ABCA4: variants seen among roughly 807,000 people sequenced by gnomAD.
ABCA4 encodes the protein retinal-specific phospholipid-transporting ATPase ABCA4.
In ABCA4, 196 loss-of-function variants were observed where a neutral mutation model predicts 263.7. The ratio of observed to expected loss-of-function variants is 0.74; its 90% CI spans 0.66 to 0.84. The LOEUF (loss-of-function observed/expected upper bound fraction) is 0.84, where lower values mean the gene tolerates loss of function less well. Ranked by LOEUF, ABCA4 falls within the 40% of genes least tolerant of loss-of-function variation. The pLI is 0.00. For missense variants in ABCA4, 2,792 were observed against 2,855.1 expected (o/e 0.98, Z 0.50); for synonymous variants, 1,133 against 1,094.2 (o/e 1.04, Z -0.70).
Position 94,029,526 on chromosome 1 carries a change from T to A in ABCA4, c.4458A>T (p.Pro1486=), listed in dbSNP as rs754181190. The change falls in exon 30 of 50, where the codon CCA becomes CCT. Residue 1486 remains proline (P), a synonymous_variant. Transcript: ENST00000370225. ...KQKWTQVNPS[P]SCRCSTREKL... is the part of the protein sequence containing the mutation. ...TCTCCCTGGTGCTGCACCTGCAGGA[T>A]GGTGAAGGGTTGACCTGTGTCCATT... 1.2e-6 allele frequency: 2 copies of A among 1,610,708 alleles called. No individual in the cohort carries two copies. Among genetic ancestry groups the A allele is most frequent in the Non-Finnish European group, 1.7e-6 (2 of 1,178,342 alleles).
chr1:94,049,035 A>G, intron 17 of ABCA4, 78 bp from the exon 18 acceptor site: 1 of 1,434,424 alleles, frequency 7.0e-7, no homozygotes. Flanking sequence ...GGGGAGAGGT[A>G]CAGGGAGCAA....
At chr1:94,120,077 A>C (rs1206000505) in intron 1 of ABCA4, among the ~76,000 whole-genome samples, 1 of 152,150 alleles carries the variant, frequency 6.6e-6, no homozygotes, top group African/African-American at 2.4e-5. Context: ...CTTTCTTTAC[A>C]GTTCTATAGT....
At chr1:94,019,019 G>GTTTTTTTTT (rs757258025) in intron 36 of ABCA4, among the ~76,000 whole-genome samples, 5 of 76,430 alleles carry the variant, frequency 6.5e-5, no homozygotes, top group African/African-American at 3.1e-4. Context: ...AAACAACCAG[G>GTTTTTTTTT]TTTTTTTTTT....
intron 43 of ABCA4, 26 bp from the exon 44 acceptor site, chr1:94,005,608 G>C (rs752444974): frequency 1.2e-6 from 2 of 1,611,598 alleles, no homozygotes; most frequent in Non-Finnish European, 1.7e-6. Flanking sequence ...CAATTACTGA[G>C]TATCCTTCAA....
In ABCA4 at chr1:94,021,692, G is replaced by A; in HGVS notation, c.4796C>T (p.Ser1599Phe). The A allele has an allele frequency of 6.2e-7, 1 of 1,613,450 alleles. No individual in the cohort carries two copies. Among genetic ancestry groups the A allele is most frequent in the South Asian group, 1.1e-5 (1 of 90,986 alleles). ...VSGGPITREA[S>F]KEIPDFLKHL... ...TTTAAGGAAATCAGGTATTTCTTTA[G>A]AGGCCTCTCTAGTGATAGGGCCCTA... The change falls in exon 34 of 50, where the codon TCT becomes TTT. Residue 1599 changes from serine (S) to phenylalanine (F), a missense_variant. Coordinates refer to ENST00000370225, the MANE Select transcript of ABCA4 (RefSeq NM_000350.3).
intron 44 of ABCA4, among the ~76,000 whole-genome samples, chr1:94,002,309 G>A (rs1401194094): frequency 6.6e-6 from 1 of 152,254 alleles, no homozygotes. Flanking sequence ...ATGGCTAGCA[G>A]TGGAGGAGGA....
chr1:94,116,955 CCTTTCTTTCTTTCTCTTT>C (rs1237536066), intron 1 of ABCA4, among the ~76,000 whole-genome samples: 1,511 of 134,876 alleles, frequency 0.011, 19 homozygotes, highest in South Asian at 0.033. Flanking sequence ...CTCCCTCCCT[CCTTTCTTTCTTTCTCTTT>C]CTTTCTTTCT....
intron 14 of ABCA4, among the ~76,000 whole-genome samples, chr1:94,058,809 C>T (rs1395875816): frequency 6.6e-6 from 1 of 152,260 alleles, no homozygotes; most frequent in East Asian, 1.9e-4. Flanking sequence ...GTGGCTTCCT[C>T]AGATGGCCAC....
intron 3 of ABCA4, among the ~76,000 whole-genome samples, chr1:94,110,692 G>A (rs1662578131): frequency 1.3e-5 from 2 of 152,202 alleles, no homozygotes; most frequent in Admixed American, 1.3e-4. Context: ...CCCTCTTCCT[G>A]TGGGATTCGA....
At position 94,021,405 on chromosome 1, in the gene ABCA4, C is replaced by CA; in HGVS notation, c.4852dup (p.Trp1618LeufsTer3). 3 of 1,614,172 alleles carry CA rather than the reference C, an allele frequency of 1.9e-6. No individual in the cohort carries two copies. The highest frequency in any genetic ancestry group is 2.5e-6 in the Non-Finnish European group (3 of 1,180,030). On this transcript the variant is annotated frameshift_variant, in exon 35 of 50. Coordinates refer to ENST00000370225, the MANE Select transcript of ABCA4 (RefSeq NM_000350.3). LOFTEE classifies it high-confidence loss of function. ...GGCATGCCAGCCTTTGTTATTAAAC[C>CA]ACACCTAGAGGGTGGAGAGGACATC...
chr1:94,044,118 CT>C (rs1227967359), intron 20 of ABCA4, among the ~76,000 whole-genome samples: 815 of 3,840 alleles, frequency 0.21, 12 homozygotes, highest in Admixed American at 0.29. Flanking sequence ...TCCTTCCTTC[CT>C]TCCTCCCTTC....
intron 27 of ABCA4, among the ~76,000 whole-genome samples, chr1:94,031,484 C>A (rs1014641411): frequency 6.6e-6 from 1 of 152,152 alleles, no homozygotes; most frequent in African/African-American, 2.4e-5. Flanking sequence ...TATGTAGGGT[C>A]ACTGCAAAAA....
chr1:94,023,493 C>A (rs924843770), intron 31 of ABCA4, 75 bp from the exon 32 acceptor site: 1 of 1,293,620 alleles, frequency 7.7e-7, no homozygotes, highest in South Asian at 1.2e-5. Context: ...CCCAAACATT[C>A]ATTTTGAAGA....
intron 36 of ABCA4, among the ~76,000 whole-genome samples, chr1:94,016,792 A>G (rs964804054): frequency 1.3e-5 from 2 of 152,172 alleles, no homozygotes; most frequent in African/African-American, 4.8e-5. Context: ...CCTGGGACCA[A>G]TGGTGCTCCA....
chr1:94,005,480 A>G lies in ABCA4; in HGVS notation c.6108T>C (p.Tyr2036=), dbSNP rs779751119. 1.2e-6 allele frequency: 2 copies of G among 1,614,108 alleles called. No individual in the cohort carries two copies. The highest frequency in any genetic ancestry group is 1.1e-5 in the South Asian group (1 of 91,090). ...LLTGREHLYL[Y]ARLRGVPAEE... ...CTGCTGGTACACCTCGAAGCCGGGC[A>G]TAAAGGTAAAGATGTTCTCGTCCTG... The change falls in exon 44 of 50, where the codon TAT becomes TAC. Residue 2036 remains tyrosine, a synonymous_variant. Transcript: ENST00000370225.
chr1:93,998,713 A>ATTTATTTTAT (rs374404349), intron 47 of ABCA4, among the ~76,000 whole-genome samples: 2,272 of 133,694 alleles, frequency 0.017, 45 homozygotes, highest in African/African-American at 0.038. Flanking sequence ...ATTTTATTTT[A>ATTTATTTTAT]TTTATTTTAT....
intron 1 of ABCA4, among the ~76,000 whole-genome samples, chr1:94,114,607 C>T (rs1018067632): frequency 6.6e-6 from 1 of 152,160 alleles, no homozygotes; most frequent in Non-Finnish European, 1.5e-5. Flanking sequence ...CTGCCTCAGC[C>T]TCCTGAGTAG....
chr1:94,120,971 A>G lies in ABCA4; in HGVS notation c.66+9T>C, dbSNP rs1232557242. ...ACCTCATTTTTAAACCACAGACAGT[A>G]ACTGTTACCTTTTGCCTTTTCCGCA... On this transcript the variant is annotated intron_variant, in intron 1 of 49. Coordinates refer to ENST00000370225, the MANE Select transcript of ABCA4 (RefSeq NM_000350.3). 6.2e-7 allele frequency: 1 copy of G among 1,608,022 alleles called. No individual in the cohort carries two copies. Among genetic ancestry groups the G allele is most frequent in the Non-Finnish European group, 8.5e-7 (1 of 1,178,336 alleles).
At chr1:94,116,235 C>G (rs1662755540) in intron 1 of ABCA4, among the ~76,000 whole-genome samples, 1 of 152,090 alleles carries the variant, frequency 6.6e-6, no homozygotes, top group African/African-American at 2.4e-5. Flanking sequence ...CACCTGTGCC[C>G]TCTTCTCATC....
Sources: allele counts gnomAD v4.1 joint callset (sites outside exome capture counted in the v4.1 genomes callset), GRCh38; gene constraint gnomAD v4.1.1; transcripts MANE v1.5; gene names NCBI Gene and HGNC (gene_info 2026-07-23, HGNC 2026-07-21).